Variants in MYO16 observed in about 807,000 individuals in gnomAD.
The protein encoded by MYO16 is myosin XVI.
Under a neutral mutation model 205.3 loss-of-function variants are expected in MYO16, and 94 were observed. The observed-to-expected ratio is 0.46, with a 90% CI of 0.39 to 0.54. The LOEUF is 0.54. Among genes scored for constraint, MYO16 ranks in the 20% least tolerant of loss-of-function variants. The pLI, the probability that MYO16 is intolerant of heterozygous loss-of-function variation, is 0.00. For synonymous variants in MYO16, 988 were observed against 954.0 expected (o/e 1.04, Z -0.66); for missense variants, 2,315 against 2,387.5 (o/e 0.97, Z 0.63).
At chr13:109,174,455 G>C (rs894914981) in intron 33 of MYO16, among the ~76,000 whole-genome samples, 10 of 152,112 alleles carry the variant, frequency 6.6e-5, no homozygotes, top group Admixed American at 4.6e-4. Context: ...GAATGCCAAA[G>C]TTTGAGAAAT....
At chr13:109,192,040 A>G (rs1253476073) in intron 34 of MYO16, among the ~76,000 whole-genome samples, 1 of 152,226 alleles carries the variant, frequency 6.6e-6, no homozygotes, top group Non-Finnish European at 1.5e-5. Flanking sequence ...AAGGATTTCC[A>G]TTATGCTGAA....
intron 27 of MYO16, among the ~76,000 whole-genome samples, chr13:109,072,701 C>T (rs1172480489): frequency 6.6e-6 from 1 of 152,052 alleles, no homozygotes; most frequent in Non-Finnish European, 1.5e-5. Flanking sequence ...GGGCATTTTG[C>T]AACATGGATG....
At chr13:109,058,979 A>G (rs779979126) in intron 27 of MYO16, among the ~76,000 whole-genome samples, 7 of 152,144 alleles carry the variant, frequency 4.6e-5, no homozygotes, top group Admixed American at 2.6e-4. Context: ...TTGTTCATCC[A>G]TAAGCAGCAA....
At chr13:109,046,310 A>C (rs1887041725) in intron 23 of MYO16, among the ~76,000 whole-genome samples, 1 of 152,064 alleles carries the variant, frequency 6.6e-6, no homozygotes, top group Non-Finnish European at 1.5e-5. Flanking sequence ...ACTAAGAGAG[A>C]CAACAAACTA....
At chr13:109,070,898 G>A (rs7333863) in intron 27 of MYO16, among the ~76,000 whole-genome samples, 2,641 of 152,182 alleles carry the variant, frequency 0.017, 69 homozygotes, top group African/African-American at 0.06. Flanking sequence ...GTTTAGGTGA[G>A]AAGCTATTTT....
At chr13:108,811,230 T>TA (rs2086071227) in intron 7 of MYO16, among the ~76,000 whole-genome samples, 1 of 152,224 alleles carries the variant, frequency 6.6e-6, no homozygotes, top group African/African-American at 2.4e-5. Flanking sequence ...AATACATTTT[T>TA]ACCCAAGTGT....
At chr13:109,020,949 T>C (rs1644165656) in intron 23 of MYO16, among the ~76,000 whole-genome samples, 1 of 152,192 alleles carries the variant, frequency 6.6e-6, no homozygotes, top group Non-Finnish European at 1.5e-5. Flanking sequence ...CAAATATTAA[T>C]ATGAATAATG....
rs114855813 is a variant in MYO16, at chr13:108,956,669, T to C, written c.1926-1019T>C. ...ACCAATTCTTTCTGCTTTGTACATATTCTAATTATTCCAGGGATAACCTGA... is the reference window on the plus strand; with the variant it reads ...ACCAATTCTTTCTGCTTTGTACATACTCTAATTATTCCAGGGATAACCTGA... On this transcript the variant is annotated intron_variant, in intron 16 of 34. Coordinates refer to ENST00000457511, the MANE Select transcript of MYO16 (RefSeq NM_001198950.3). Among the ~76,000 whole-genome samples the C allele has an allele frequency of 2.6e-3, 401 of 152,308 alleles. 2 individuals are homozygous for C. The highest frequency in any genetic ancestry group is 9.4e-3 in the African/African-American group (389 of 41,570).
the MYO16 span, among the ~76,000 whole-genome samples, chr13:108,550,741 C>G: frequency 6.6e-6 from 1 of 152,116 alleles, no homozygotes; most frequent in Non-Finnish European, 1.5e-5. Context: ...TTGGAAAAAA[C>G]AAAACAAAGC....
chr13:108,730,154 A>G (rs1269488790), intron 4 of MYO16, among the ~76,000 whole-genome samples: 2 of 152,144 alleles, frequency 1.3e-5, no homozygotes, highest in African/African-American at 4.8e-5. Context: ...CCCACATGTC[A>G]TAAGAGGTAA....
the MYO16 span, among the ~76,000 whole-genome samples, chr13:108,495,961 C>A: frequency 6.6e-6 from 1 of 151,992 alleles, no homozygotes; most frequent in Non-Finnish European, 1.5e-5. Flanking sequence ...GCGGTCCAAG[C>A]GCGGGGAACG....
At chr13:109,077,492 T>C (rs1180479469) in intron 27 of MYO16, among the ~76,000 whole-genome samples, 4 of 152,224 alleles carry the variant, frequency 2.6e-5, no homozygotes, top group East Asian at 3.8e-4. Flanking sequence ...GACACATTAT[T>C]ATCACACAGA....
At chr13:108,567,768 G>C in the MYO16 span, among the ~76,000 whole-genome samples, 2 of 152,014 alleles carry the variant, frequency 1.3e-5, no homozygotes, top group Non-Finnish European at 2.9e-5. Flanking sequence ...AGTACATTCA[G>C]AGTTGTGCAA....
At chr13:109,023,703 G>A (rs1886236270) in intron 23 of MYO16, among the ~76,000 whole-genome samples, 1 of 119,822 alleles carries the variant, frequency 8.3e-6, no homozygotes, top group African/African-American at 3.0e-5. Context: ...ATGTATATAT[G>A]TATATATACA....
chr13:109,067,038 T>C (rs931991226), intron 27 of MYO16, among the ~76,000 whole-genome samples: 1 of 152,160 alleles, frequency 6.6e-6, no homozygotes, highest in African/African-American at 2.4e-5. Context: ...TCTTATTTCA[T>C]ACAAGCAGTT....
At chr13:108,786,859 G>A (rs574350147) in intron 5 of MYO16, among the ~76,000 whole-genome samples, 13 of 152,182 alleles carry the variant, frequency 8.5e-5, no homozygotes, top group African/African-American at 3.1e-4. Flanking sequence ...GCTCAGTCGT[G>A]CCTGGGCACT....
At chr13:109,088,253 G>A (rs1235057316) in intron 27 of MYO16, among the ~76,000 whole-genome samples, 1 of 152,192 alleles carries the variant, frequency 6.6e-6, no homozygotes, top group Non-Finnish European at 1.5e-5. Context: ...GGCTGTATGG[G>A]AAGCAAGTAC....
intron 2 of MYO16, among the ~76,000 whole-genome samples, chr13:108,697,031 A>T (rs561481663): frequency 1.3e-5 from 2 of 151,986 alleles, no homozygotes; most frequent in Admixed American, 6.6e-5. Context: ...GAATCAGTTG[A>T]CACAAAGCAT....
At chr13:108,645,305 A>C (rs577367972) in intron 1 of MYO16, among the ~76,000 whole-genome samples, 5 of 152,340 alleles carry the variant, frequency 3.3e-5, no homozygotes, top group South Asian at 4.1e-4. Context: ...GTACACATAA[A>C]AGACGGTCAT....
Sources: gnomAD v4.1 joint callset for allele counts (sites outside exome capture counted in the v4.1 genomes callset) on GRCh38, gnomAD v4.1.1 for gene constraint, MANE v1.5 for transcripts, NCBI Gene and HGNC (gene_info 2026-07-23, HGNC 2026-07-21) for gene names.